Variants in ZNF766 observed in about 807,000 individuals in gnomAD.
The protein encoded by ZNF766 is zinc finger protein 766.
Under a neutral mutation model 13.2 loss-of-function variants are expected in ZNF766, and 13 were observed. The ratio of observed to expected loss-of-function variants is 0.98; its 90% CI spans 0.64 to 1.56. The LOEUF is 1.56. Among genes scored for constraint, ZNF766 ranks in the 40% most tolerant of loss-of-function variants. ZNF766 has a pLI of 0.00. For synonymous variants in ZNF766, 178 were observed against 187.6 expected (o/e 0.95, Z 0.42); for missense variants, 521 against 552.2 (o/e 0.94, Z 0.57).
intron 1 of ZNF766, 56 bp downstream of exon 1, chr19:52,269,687 G>T: frequency 6.2e-7 from 1 of 1,607,778 alleles, no homozygotes. Flanking sequence ...TCACGCTTCT[G>T]TACCCGGGAT....
intron 1 of ZNF766, chr19:52,277,522 C>T: frequency 6.3e-7 from 1 of 1,577,382 alleles, no homozygotes; most frequent in Non-Finnish European, 8.6e-7. Flanking sequence ...GCAGAGGAGT[C>T]AGGCATGCCA....
At chr19:52,275,901 G>A (rs1254745139) in intron 1 of ZNF766, among the ~76,000 whole-genome samples, 1 of 152,076 alleles carries the variant, frequency 6.6e-6, no homozygotes, top group East Asian at 1.9e-4. Flanking sequence ...GGCTGGTCTC[G>A]AACTCCTGAC....
chr19:52,286,322 CTTT>C (rs1164613687), intron 3 of ZNF766, among the ~76,000 whole-genome samples: 1 of 119,850 alleles, frequency 8.3e-6, no homozygotes, highest in African/African-American at 4.0e-5. Context: ...GTTTTTCTTT[CTTT>C]TTTTTTTTTT....
Position 52,292,789 on chromosome 19 carries a change from CAAT to C in ZNF766, c.*1597_*1599del, listed in dbSNP as rs1307903392. The C allele has an allele frequency of 6.6e-6, 1 of 152,092 alleles. No individual in the cohort carries two copies. Among genetic ancestry groups the C allele is most frequent in the Non-Finnish European group, 1.5e-5 (1 of 68,006 alleles). 9.4% of individuals were successfully genotyped at this position (152,092 alleles called of 1,614,324 possible). ...TCTCAGGAGGATACTTTATAGCAGA[CAAT>C]AATAAGGCACCATTAGGATTTTTAA... is the stretch of plus-strand genomic sequence containing the variant. On this transcript the variant is annotated 3_prime_UTR_variant, in exon 4 of 4. Coordinates refer to ENST00000439461, the MANE Select transcript of ZNF766 (RefSeq NM_001010851.3).
intron 3 of ZNF766, among the ~76,000 whole-genome samples, chr19:52,287,197 C>T (rs960896452): frequency 2.0e-5 from 3 of 151,106 alleles, no homozygotes; most frequent in Non-Finnish European, 4.4e-5. Context: ...GGCTGGAATG[C>T]AGTGGTGTGA....
At chr19:52,271,016 C>A (rs1193900068) in intron 1 of ZNF766, among the ~76,000 whole-genome samples, 1 of 152,074 alleles carries the variant, frequency 6.6e-6, no homozygotes. Context: ...ACTCCTGAGA[C>A]CTCAGGTGAT....
At chr19:52,271,407 C>T (rs1219838940) in intron 1 of ZNF766, among the ~76,000 whole-genome samples, 1 of 152,062 alleles carries the variant, frequency 6.6e-6, no homozygotes, top group East Asian at 1.9e-4. Context: ...GTGCACATTT[C>T]CATCTCAACC....
At chr19:52,286,620 C>T (rs1981843853) in intron 3 of ZNF766, among the ~76,000 whole-genome samples, 1 of 152,022 alleles carries the variant, frequency 6.6e-6, no homozygotes, top group African/African-American at 2.4e-5. Flanking sequence ...TGTTTTTCTG[C>T]ATCAGCTGAG....
chr19:52,273,759 A>G (rs1197042878), intron 1 of ZNF766, among the ~76,000 whole-genome samples: 2 of 152,192 alleles, frequency 1.3e-5, no homozygotes, highest in Admixed American at 6.5e-5. Flanking sequence ...TTTGCTGTCC[A>G]CTACGTAAAT....
chr19:52,271,396 C>T (rs527905303), intron 1 of ZNF766, among the ~76,000 whole-genome samples: 3 of 152,222 alleles, frequency 2.0e-5, no homozygotes, highest in African/African-American at 7.2e-5. Context: ...CGGAAAAACA[C>T]GTGCACATTT....
chr19:52,283,730 G>A (rs2122481081), intron 3 of ZNF766, among the ~76,000 whole-genome samples: 1 of 152,156 alleles, frequency 6.6e-6, no homozygotes, highest in African/African-American at 2.4e-5. Flanking sequence ...ATGTATGTAT[G>A]TATGTATTTA....
chr19:52,282,132 G>A lies in ZNF766; in HGVS notation c.40G>A (p.Val14Met), dbSNP rs752315701. The change falls in exon 2 of 4, where the codon GTG (valine) becomes ATG (methionine). Residue 14 changes from valine (V) to methionine (M), a missense_variant. By Grantham distance (21) the Val-to-Met change is conservative. Transcript: ENST00000439461. ...LRRGHLTFRD[V>M]AIEFSQEEWK... ...TTAGGGACACTTGACATTCAGGGAC[G>A]TGGCCATAGAATTCTCTCAGGAGGA... 6 of 1,604,032 alleles carry A rather than the reference G, an allele frequency of 3.7e-6. No homozygotes were observed. Among genetic ancestry groups the A allele is most frequent in the South Asian group, 2.2e-5 (2 of 90,988 alleles).
intron 3 of ZNF766, 42 bp from the exon 4 acceptor site, chr19:52,290,024 A>G: frequency 6.5e-7 from 1 of 1,541,340 alleles, no homozygotes; most frequent in Non-Finnish European, 8.7e-7. Context: ...AAAACATGCC[A>G]GAACCATGGG....
At chr19:52,277,288 T>A in intron 1 of ZNF766, 1 of 989,062 alleles carries the variant, frequency 1.0e-6, no homozygotes, top group South Asian at 1.8e-5. Context: ...TGAAACCCCG[T>A]CTCTACTACG....
At position 52,275,625 on chromosome 19, in the gene ZNF766, G is replaced by A. The variant is rs571849305; in HGVS notation, c.18+5994G>A. On this transcript the variant is annotated intron_variant, in intron 1 of 3. Coordinates refer to ENST00000439461, the MANE Select transcript of ZNF766 (RefSeq NM_001010851.3). ...CATTCATGGTAAGTGCCCTAGACAA[G>A]TGTACCATTTTTTAAACTCTTATAC... The A allele has an allele frequency of 1.6e-4, 24 of 150,902 alleles. 1 individual carries two copies. The East Asian group carries it at 4.3e-3, about 27-fold the overall frequency. 9.3% of individuals were successfully genotyped at this position (150,902 alleles called of 1,614,324 possible). A position where few individuals can be genotyped will look rare whatever the true frequency, so the allele number is the denominator to read the frequency against.
rs752423546 is a variant in ZNF766, at chr19:52,290,858, A to G, written c.1067A>G (p.Lys356Arg). Residue 356 changes from lysine (K) to arginine (R), a missense_variant, in exon 4 of 4, where the codon AAA becomes AGA. Transcript: ENST00000439461. ...ATCCACACTGGAGAGAAACCTTACA[A>G]ATGTAAAGAATGTGACAAAGCTTTT... Reference protein sequence around the residue: ...LLIHTGEKPYKCKECDKAFRH... With the variant: ...LLIHTGEKPYRCKECDKAFRH... 2.5e-6 allele frequency: 4 copies of G among 1,614,056 alleles called. No homozygotes were observed. Among genetic ancestry groups the G allele is most frequent in the African/African-American group, 1.3e-5 (1 of 74,940 alleles).
At chr19:52,273,184 A>G (rs1264127891) in intron 1 of ZNF766, among the ~76,000 whole-genome samples, 1 of 152,024 alleles carries the variant, frequency 6.6e-6, no homozygotes, top group Non-Finnish European at 1.5e-5. Flanking sequence ...AATTGTTTGC[A>G]TTTTTAGTAG....
rs1285685422 is a variant in ZNF766 at position 52,292,520 on chromosome 19, T to C, written c.*1322T>C. On this transcript the variant is annotated 3_prime_UTR_variant, in exon 4 of 4. Transcript: ENST00000439461. ...GGCCACCGTCTCCATTGAATAGCAA[T>C]AGCTGCTGTTTAGCAAAGACTGATT... 1 of 255,060 alleles carries C rather than the reference T, an allele frequency of 3.9e-6. No homozygotes were observed. The highest frequency in any genetic ancestry group is 2.2e-5 in the African/African-American group (1 of 45,202). The allele number at this position is 255,060 out of a possible 1,614,324, so 15.8% of individuals were successfully genotyped here.
At chr19:52,282,453 T>C in intron 2 of ZNF766, 1 of 359,640 alleles carries the variant, frequency 2.8e-6, no homozygotes, top group Non-Finnish European at 5.1e-6. Flanking sequence ...CTGACCAAAA[T>C]GATAAAACCC....
Sources: allele counts gnomAD v4.1 joint callset (sites outside exome capture counted in the v4.1 genomes callset), GRCh38; gene constraint gnomAD v4.1.1; transcripts MANE v1.5; gene names NCBI Gene and HGNC (gene_info 2026-07-23, HGNC 2026-07-21).